Variants in ITGB4 observed in about 807,000 individuals in gnomAD.
ITGB4 encodes the protein integrin beta-4.
Under a neutral mutation model 207.6 loss-of-function variants are expected in ITGB4, and 159 were observed. The ratio of observed to expected loss-of-function variants is 0.77; its 90% confidence interval spans 0.67 to 0.87. ITGB4 has a LOEUF of 0.87. Ranked by LOEUF, ITGB4 falls within the 40% of genes least tolerant of loss-of-function variation. The pLI, the probability that ITGB4 is intolerant of heterozygous loss-of-function variation, is 0.00. For missense variants in ITGB4, 2,278 were observed against 2,546.8 expected, an observed-to-expected ratio of 0.89 and a Z score of 2.27; for synonymous variants, 1,020 against 1,062.7, an observed-to-expected ratio of 0.96 and a Z score of 0.78.
intron 27 of ITGB4, among the ~76,000 whole-genome samples, chr17:75,749,466 C>CTG (rs1234871392): frequency 2.6e-5 from 4 of 152,088 alleles, no homozygotes; most frequent in Non-Finnish European, 5.9e-5. Flanking sequence ...GGGTCTGGGC[C>CTG]GCAGCAAGCT....
rs12600897 is a variant in ITGB4 at position 75,733,364 on chromosome 17, C to T, written c.1455-126C>T. ...TCGCGCCACTGCACTCCAGCCTGGG[C>T]GACAAGGCGAGACTCCGTCTCAAAA... On this transcript the variant is annotated intron_variant, in intron 12 of 39. Coordinates refer to ENST00000200181, the MANE Select transcript of ITGB4 (RefSeq NM_000213.5). The T allele has an allele frequency of 2.0e-5, 14 of 716,370 alleles. No individual in the cohort carries two copies. The Admixed American group carries it at 2.4e-4, about 12-fold the overall frequency. 44.4% of individuals were successfully genotyped at this position (716,370 alleles called of 1,614,324 possible).
Position 75,743,756 on chromosome 17 carries a change from C to A in ITGB4, c.3006C>A (p.Ser1002Arg), listed in dbSNP as rs765799418. ...VSFEQPEFSVSRGDQVARIPV... is the reference protein window; with the variant it reads ...VSFEQPEFSVRRGDQVARIPV... Reference sequence around the variant, plus strand: ...TTGAGCAGCCTGAGTTCTCGGTCAGCCGCGGGGACCAGGTGGCCCGCATCC... The same window carrying A: ...TTGAGCAGCCTGAGTTCTCGGTCAGACGCGGGGACCAGGTGGCCCGCATCC... Residue 1002 changes from serine (S) to arginine (R), a missense_variant, in exon 26 of 40, where the codon AGC (serine) becomes AGA (arginine). Physicochemically the swap from Ser to Arg is moderately radical, Grantham distance 110. Transcript: ENST00000200181. 1 of 1,613,426 alleles carries A rather than the reference C, an allele frequency of 6.2e-7. No homozygotes were observed. Among genetic ancestry groups the A allele is most frequent in the East Asian group, 2.2e-5 (1 of 44,892 alleles).
chr17:75,738,693 G>C (rs561031127), intron 18 of ITGB4, among the ~76,000 whole-genome samples: 130 of 152,264 alleles, frequency 8.5e-4, no homozygotes, highest in Non-Finnish European at 1.5e-3. Context: ...GGGGAGAACA[G>C]ACAAGAGAAA....
Position 75,757,234 on chromosome 17 carries a change from C to T in ITGB4, c.5253C>T (p.Leu1751=). 1.2e-6 allele frequency: 2 copies of T among 1,612,050 alleles called. No individual in the cohort carries two copies. The highest frequency in any genetic ancestry group is 8.5e-7 in the Non-Finnish European group (1 of 1,180,002). ...CGCAGCTGGGCAGCCGTGCCGGGCTCTTCCAGCACCCGCTGCAAAGCGAGT... is the reference window on the plus strand; with the variant it reads ...CGCAGCTGGGCAGCCGTGCCGGGCTTTTCCAGCACCCGCTGCAAAGCGAGT... ...PFPQLGSRAG[L]FQHPLQSEYS... is the part of the protein sequence containing the mutation. The change falls in exon 39 of 40, where the codon CTC becomes CTT. Residue 1751 remains leucine, a synonymous_variant. Coordinates refer to ENST00000200181, the MANE Select transcript of ITGB4 (RefSeq NM_000213.5).
rs1436560329 is a variant in ITGB4, at chr17:75,753,779, T to G, written c.4123T>G (p.Phe1375Val). The G allele has an allele frequency of 6.9e-7, 1 of 1,452,546 alleles. No individual in the cohort carries two copies. Among genetic ancestry groups the G allele is most frequent in the East Asian group, 2.7e-5 (1 of 36,374 alleles). The allele number at this position is 1,452,546 out of a possible 1,614,324, so 90.0% of individuals were successfully genotyped here. A position where few individuals can be genotyped will look rare whatever the true frequency, so the allele number is the denominator to read the frequency against. Reference sequence around the variant, plus strand: ...TTGTTCCCAAGGCTGCGGCTGGAAGTTCGAGCCCCTGCTGGGGGAGGAGCT... The same window carrying G: ...TTGTTCCCAAGGCTGCGGCTGGAAGGTCGAGCCCCTGCTGGGGGAGGAGCT... ...VSDDTGCGWK[F>V]EPLLGEELDL... The change falls in exon 33 of 40, where the codon TTC (phenylalanine) becomes GTC (valine). Residue 1375 changes from phenylalanine (F) to valine (V), a missense_variant. Physicochemically the swap from Phe to Val is conservative, Grantham distance 50. Transcript: ENST00000200181.
At chr17:75,754,254 C>T (rs1311721386) in intron 33 of ITGB4, among the ~76,000 whole-genome samples, 1 of 152,150 alleles carries the variant, frequency 6.6e-6, no homozygotes, top group Non-Finnish European at 1.5e-5. Context: ...TCAGGGGCCT[C>T]AAAGGACAGG....
intron 26 of ITGB4, among the ~76,000 whole-genome samples, chr17:75,744,115 CTTTTTTTTTTTTTT>C (rs759492811): frequency 2.7e-5 from 3 of 110,944 alleles, no homozygotes; most frequent in African/African-American, 1.1e-4. Flanking sequence ...AGGGCTCGCT[CTTTTTTTTTTTTTT>C]TTTTTTTTGA....
chr17:75,733,497 C>T lies in ITGB4; in HGVS notation c.1462C>T (p.Gln488Ter). ...GACCAGTTCCTCCTTCAGGAGTGGCCAGACCTGCAACTGCTCCACCGGCTC... is the reference window on the plus strand; with the variant it reads ...GACCAGTTCCTCCTTCAGGAGTGGCTAGACCTGCAACTGCTCCACCGGCTC... ...QCVCSEGWSG[Q>*]TCNCSTGSLS... Residue 488 changes from glutamine to a stop codon, truncating the protein, a stop_gained, in exon 13 of 40, where the codon CAG becomes TAG. Coordinates refer to ENST00000200181, the MANE Select transcript of ITGB4 (RefSeq NM_000213.5). LOFTEE classifies it high-confidence loss of function. The T allele has an allele frequency of 5.0e-6, 8 of 1,613,034 alleles. No individual in the cohort carries two copies. The highest frequency in any genetic ancestry group is 6.8e-6 in the Non-Finnish European group (8 of 1,180,026).
intron 2 of ITGB4, among the ~76,000 whole-genome samples, chr17:75,726,497 T>A (rs1172280896): frequency 6.6e-6 from 1 of 151,118 alleles, no homozygotes; most frequent in Non-Finnish European, 1.5e-5. Flanking sequence ...TTTGGGAGGC[T>A]GAGGCGGGCA....
intron 30 of ITGB4, 121 bp from the exon 31 acceptor site, chr17:75,752,053 C>T: frequency 9.0e-7 from 1 of 1,111,694 alleles, no homozygotes; most frequent in Non-Finnish European, 1.4e-6. Flanking sequence ...GCTGGCTTTG[C>T]CTTGCTTCCC....
rs1568356933 is a variant in ITGB4 at position 75,736,336 on chromosome 17, C to T, written c.1810C>T (p.His604Tyr). The T allele has an allele frequency of 1.2e-6, 2 of 1,613,578 alleles. No individual in the cohort carries two copies. Among genetic ancestry groups the T allele is most frequent in the East Asian group, 2.2e-5 (1 of 44,838 alleles). The stretch of plus-strand genomic sequence containing the variant: ...CTGTGAGTGTGGCCGCTGCCACTGC[C>T]ACCAGCAGTCGCTCTACACGGACAC... ...GHCECGRCHC[H>Y]QQSLYTDTIC... Residue 604 changes from histidine to tyrosine, a missense_variant, in exon 15 of 40, where the codon CAC (histidine) becomes TAC (tyrosine). His to Tyr is a moderately conservative substitution (Grantham distance 83). Transcript: ENST00000200181.
intron 2 of ITGB4, among the ~76,000 whole-genome samples, chr17:75,725,210 G>A (rs1261768286): frequency 6.6e-6 from 1 of 152,262 alleles, no homozygotes; most frequent in African/African-American, 2.4e-5. Context: ...AGGGGGTCCT[G>A]CTGGTGGCTT....
At chr17:75,755,033 C>T in intron 34 of ITGB4, 1 of 1,588,680 alleles carries the variant, frequency 6.3e-7, no homozygotes. Flanking sequence ...GCTCCTCTCA[C>T]TCTTGTTTTG....
Position 75,754,662 on chromosome 17 carries a change from T to C in ITGB4, c.4405T>C (p.Tyr1469His), listed in dbSNP as rs2061445557. ...HRMTTTSAAA[Y>H]GTHLSPHVPH... ...GATGACCACGACCAGTGCTGCTGCC[T>C]ATGGCACCCACCTGAGCCCACACGT... is the stretch of plus-strand genomic sequence containing the variant. The change falls in exon 34 of 40, where the codon TAT becomes CAT. Residue 1469 changes from tyrosine to histidine, a missense_variant. By Grantham distance (83) the Tyr-to-His change is moderately conservative (BLOSUM62 2). Coordinates refer to ENST00000200181, the MANE Select transcript of ITGB4 (RefSeq NM_000213.5). 1 of 1,614,054 alleles carries C rather than the reference T, an allele frequency of 6.2e-7. No homozygotes were observed. The highest frequency in any genetic ancestry group is 1.3e-5 in the African/African-American group (1 of 75,038).
In ITGB4 at chr17:75,737,373, C is replaced by T; in HGVS notation, c.2042C>T (p.Thr681Ile). 6.3e-7 allele frequency: 1 copy of T among 1,583,472 alleles called. No individual in the cohort carries two copies. Among genetic ancestry groups the T allele is most frequent in the South Asian group, 1.2e-5 (1 of 86,626 alleles). ...CSFRDEDDDC[T>I]YSYTMEGDGA... is the part of the protein sequence containing the mutation. ...TTCCGGGACGAGGATGACGACTGCACCTACAGCTACACCATGGAAGGTGAC... is the reference window on the plus strand; with the variant it reads ...TTCCGGGACGAGGATGACGACTGCATCTACAGCTACACCATGGAAGGTGAC... Residue 681 changes from threonine to isoleucine, a missense_variant, in exon 17 of 40, where the codon ACC (threonine) becomes ATC (isoleucine). Physicochemically the swap from Thr to Ile is moderately conservative, Grantham distance 89. Transcript: ENST00000200181.
chr17:75,728,439 G>C lies in ITGB4; in HGVS notation c.532G>C (p.Val178Leu). The C allele has an allele frequency of 6.2e-7, 1 of 1,614,176 alleles. No homozygotes were observed. Among genetic ancestry groups the C allele is most frequent in the Non-Finnish European group, 8.5e-7 (1 of 1,180,018 alleles). Residue 178 changes from valine (V) to leucine (L), a missense_variant, in exon 6 of 40, where the codon GTC (valine) becomes CTC (leucine). Transcript: ENST00000200181. ...TGGATTTGGCAAGTTTGTGGACAAA[G>C]TCAGCGTCCCGCAGACGGACATGAG... is the stretch of plus-strand genomic sequence containing the variant. ...TIGFGKFVDK[V>L]SVPQTDMRPE...
chr17:75,727,560 T>C lies in ITGB4; in HGVS notation c.264+55T>C. 1 of 1,598,672 alleles carries C rather than the reference T, an allele frequency of 6.3e-7. No individual in the cohort carries two copies. Among genetic ancestry groups the C allele is most frequent in the Non-Finnish European group, 8.5e-7 (1 of 1,172,070 alleles). On this transcript the variant is annotated intron_variant, in intron 4 of 39. Transcript: ENST00000200181. This position sits in a 1 kb window ranked among gnomAD's most constrained non-coding sequence, Gnocchi z 6.0. ...TCCCCATGCTCAGCCTGGCTATTTA[T>C]GGGGGTGTATAGTGCCCCTTGGCCG... is the stretch of plus-strand genomic sequence containing the variant.
rs773061840 is a variant in ITGB4, at chr17:75,731,937, C to T, written c.1341C>T (p.Asp447=). The T allele has an allele frequency of 6.2e-6, 10 of 1,613,956 alleles. No individual in the cohort carries two copies. The highest frequency in any genetic ancestry group is 1.1e-5 in the South Asian group (1 of 91,094). The change falls in exon 11 of 40, where the codon GAC becomes GAT. Residue 447 remains aspartate, a synonymous_variant. Coordinates refer to ENST00000200181, the MANE Select transcript of ITGB4 (RefSeq NM_000213.5). This position sits in a 1 kb window ranked among gnomAD's most constrained non-coding sequence, Gnocchi z 6.8. The part of the protein sequence containing the change: ...KPSFSDGLKM[D]AGIICDVCTC... ...CCTTCTCCGACGGCCTCAAGATGGA[C>T]GCGGGCATCATCTGTGATGTGTGCA...
At chr17:75,725,297 G>A (rs1232443846) in intron 2 of ITGB4, among the ~76,000 whole-genome samples, 4 of 152,258 alleles carry the variant, frequency 2.6e-5, no homozygotes, top group South Asian at 2.1e-4. Flanking sequence ...GACCAGAGCC[G>A]TTGTTATTTT....
Sources: gnomAD v4.1 joint callset for allele counts (sites outside exome capture counted in the v4.1 genomes callset) on GRCh38, gnomAD v4.1.1 for gene constraint, Gnocchi (gnomAD v3.1) non-coding constraint, MANE v1.5 for transcripts, NCBI Gene and HGNC (gene_info 2026-07-23, HGNC 2026-07-21) for gene names.